MCF2L2: variants seen among roughly 807,000 people sequenced by gnomAD.
MCF2L2 encodes probable guanine nucleotide exchange factor MCF2L2.
MCF2L2 carries 102 observed loss-of-function variants against 150.2 expected under a neutral mutation model. That is an observed-to-expected ratio of 0.68 (90% CI 0.58 to 0.80). The LOEUF is 0.80. Ranked by LOEUF, MCF2L2 falls within the 30% of genes least tolerant of loss-of-function variation. MCF2L2 has a pLI of 0.00. For synonymous variants in MCF2L2, 465 were observed against 491.3 expected, an observed-to-expected ratio of 0.95 and a Z score of 0.71; for missense variants, 1,256 against 1,372.8, an observed-to-expected ratio of 0.91 and a Z score of 1.34.
At chr3:183,269,983 T>G (rs1726589194) in intron 15 of MCF2L2, 1 of 1,614,056 alleles carries the variant, frequency 6.2e-7, no homozygotes, top group South Asian at 1.1e-5. Flanking sequence ...AATGATACCC[T>G]GTCTCTTAAG....
chr3:183,277,012 T>C, intron 14 of MCF2L2, 55 bp from the exon 15 acceptor site: 4 of 1,154,844 alleles, frequency 3.5e-6, no homozygotes, highest in Admixed American at 4.5e-5. Context: ...TCCTAATCTA[T>C]ATTTTTCTCT....
rs1355989355 is a variant in MCF2L2, at chr3:183,179,693, C to T, written c.3106-1G>A. On this transcript the variant is annotated splice_acceptor_variant, in intron 28 of 29. Coordinates refer to ENST00000328913, the MANE Select transcript of MCF2L2 (RefSeq NM_015078.4). LOFTEE classifies it high-confidence loss of function. The surrounding 1 kb of genome is among the most constrained non-coding windows in gnomAD (Gnocchi z 4.2). Reference sequence around the variant, plus strand: ...CGTCCGACTGGAAAAGGCCCGCGAGCTGGAAGGGAGGGGACGGGTGCACCC... The same window carrying T: ...CGTCCGACTGGAAAAGGCCCGCGAGTTGGAAGGGAGGGGACGGGTGCACCC... 3.1e-6 allele frequency: 5 copies of T among 1,613,372 alleles called. No homozygotes were observed. The highest frequency in any genetic ancestry group is 4.2e-6 in the Non-Finnish European group (5 of 1,179,408).
chr3:183,270,402 A>G lies in MCF2L2; in HGVS notation c.1862+6470T>C, dbSNP rs753064388. 8 of 1,614,114 alleles carry G rather than the reference A, an allele frequency of 5.0e-6. No individual in the cohort carries two copies. Among genetic ancestry groups the G allele is most frequent in the Admixed American group, 1.7e-5 (1 of 60,006 alleles). ...TGATGACATATTTATTCACATGCCA[A>G]ATCTGATTGAGTACCTTCAAAGTTT... On this transcript the variant is annotated intron_variant, in intron 15 of 29. Coordinates refer to ENST00000328913, the MANE Select transcript of MCF2L2 (RefSeq NM_015078.4). This position sits in a 1 kb window ranked among gnomAD's most constrained non-coding sequence, Gnocchi z 4.5.
In MCF2L2 at chr3:183,283,018, G is replaced by A. The variant is rs752850064; in HGVS notation, c.1777-6061C>T. ...TTATGTTCTTCCTAAGTACTTTATC[G>A]GGCCAACAAATTCATCCCATGAGGA... On this transcript the variant is annotated intron_variant, in intron 14 of 29. Coordinates refer to ENST00000328913, the MANE Select transcript of MCF2L2 (RefSeq NM_015078.4). This position sits in a 1 kb window ranked among gnomAD's most constrained non-coding sequence, Gnocchi z 4.2. Among the ~76,000 whole-genome samples the A allele has an allele frequency of 9.9e-5, 15 of 152,072 alleles. No individual in the cohort carries two copies. Among genetic ancestry groups the A allele is most frequent in the Middle Eastern group, 3.2e-3 (1 of 316 alleles).
At chr3:183,232,279 C>T (rs562511185) in intron 15 of MCF2L2, among the ~76,000 whole-genome samples, 13 of 152,254 alleles carry the variant, frequency 8.5e-5, no homozygotes, top group Admixed American at 2.0e-4. Context: ...CACAACCACG[C>T]GAACTTAGAA....
intron 7 of MCF2L2, among the ~76,000 whole-genome samples, chr3:183,315,251 C>A (rs1030694249): frequency 6.6e-6 from 1 of 151,850 alleles, no homozygotes; most frequent in Admixed American, 6.6e-5. Flanking sequence ...CCTGTATTGT[C>A]TTTTAAAGGA....
chr3:183,228,319 A>T lies in MCF2L2; in HGVS notation c.2093T>A (p.Leu698Gln). 1 of 1,613,656 alleles carries T rather than the reference A, an allele frequency of 6.2e-7. No homozygotes were observed. The highest frequency in any genetic ancestry group is 8.5e-7 in the Non-Finnish European group (1 of 1,179,610). Reference sequence around the variant, plus strand: ...TACTCTCTTGAGAAAGCAATGTGCCAGAAGTTCAGGGTTCTCAGCACACTT... The same window carrying T: ...TACTCTCTTGAGAAAGCAATGTGCCTGAAGTTCAGGGTTCTCAGCACACTT... The part of the protein sequence containing the change: ...LEKCAENPEL[L>Q]AHCFLKRKED... The change falls in exon 18 of 30, where the codon CTG becomes CAG. Residue 698 changes from leucine to glutamine, a missense_variant. Leu to Gln is a moderately radical substitution (Grantham distance 113). Coordinates refer to ENST00000328913, the MANE Select transcript of MCF2L2 (RefSeq NM_015078.4).
intron 15 of MCF2L2, among the ~76,000 whole-genome samples, chr3:183,235,111 G>T (rs1167977082): frequency 8.9e-4 from 68 of 76,366 alleles, no homozygotes; most frequent in South Asian, 4.8e-3. Flanking sequence ...TGGACATTTG[G>T]GTTGGTTCCA....
In MCF2L2 at chr3:183,289,336, C is replaced by T. The variant is rs76222713; in HGVS notation, c.1676-116G>A. Reference sequence around the variant, plus strand: ...CAATGTGGCTAACTATAAAAGCTCACTTGAGCTGCTGCGTTGATTTCCTAG... The same window carrying T: ...CAATGTGGCTAACTATAAAAGCTCATTTGAGCTGCTGCGTTGATTTCCTAG... On this transcript the variant is annotated intron_variant, in intron 13 of 29. Transcript: ENST00000328913. The T allele has an allele frequency of 6.9e-5, 46 of 666,046 alleles. No homozygotes were observed. The African/African-American group carries it at 7.7e-4, about 11-fold the overall frequency. 41.3% of individuals were successfully genotyped at this position (666,046 alleles called of 1,614,324 possible).
At position 183,368,898 on chromosome 3, in the gene MCF2L2, G is replaced by A. The variant is rs529881408; in HGVS notation, c.275+10399C>T. Among the ~76,000 whole-genome samples the A allele has an allele frequency of 1.9e-3, 282 of 152,204 alleles. 1 individual carries two copies. Among genetic ancestry groups the A allele is most frequent in the Middle Eastern group, 0.01 (3 of 294 alleles). ...ATTTGATGCCATGTTTATCATCTCC[G>A]TGAGGATGATAATCTTTATGAACCC... On this transcript the variant is annotated intron_variant, in intron 3 of 29. Coordinates refer to ENST00000328913, the MANE Select transcript of MCF2L2 (RefSeq NM_015078.4).
intron 14 of MCF2L2, among the ~76,000 whole-genome samples, chr3:183,286,355 T>C (rs1727792050): frequency 1.3e-5 from 2 of 152,150 alleles, no homozygotes; most frequent in South Asian, 2.1e-4. Flanking sequence ...CATCTTTGAG[T>C]TCTAGACCTA....
At chr3:183,380,902 G>A (rs866986260) in intron 2 of MCF2L2, among the ~76,000 whole-genome samples, 13 of 152,142 alleles carry the variant, frequency 8.5e-5, no homozygotes, top group African/African-American at 2.9e-4. Flanking sequence ...GAATAAAAAT[G>A]AGAGAAAAAA....
intron 27 of MCF2L2, among the ~76,000 whole-genome samples, chr3:183,184,172 T>C (rs1377329715): frequency 6.6e-6 from 1 of 152,140 alleles, no homozygotes; most frequent in Non-Finnish European, 1.5e-5. Context: ...CACATGCCAC[T>C]ATGCCTGGCT....
chr3:183,235,221 G>C (rs1276281592), intron 15 of MCF2L2, among the ~76,000 whole-genome samples: 1 of 78,488 alleles, frequency 1.3e-5, no homozygotes, highest in Non-Finnish European at 2.4e-5. Flanking sequence ...CCAGTAATGG[G>C]ATGGCTGGGT....
At chr3:183,318,774 C>T (rs1443537399) in intron 6 of MCF2L2, among the ~76,000 whole-genome samples, 1 of 151,032 alleles carries the variant, frequency 6.6e-6, no homozygotes, top group African/African-American at 2.5e-5. Flanking sequence ...TTACAGTATA[C>T]TGTAGTCTAT....
chr3:183,295,309 A>G lies in MCF2L2; in HGVS notation c.1666T>C (p.Ser556Pro). 6.2e-7 allele frequency: 1 copy of G among 1,606,148 alleles called. No individual in the cohort carries two copies. Among genetic ancestry groups the G allele is most frequent in the South Asian group, 1.1e-5 (1 of 90,376 alleles). Residue 556 changes from serine (S) to proline (P), a missense_variant, in exon 13 of 30, where the codon TCC becomes CCC. Physicochemically the swap from Ser to Pro is moderately conservative, Grantham distance 74 (BLOSUM62 -1). Transcript: ENST00000328913. ...TCCTCAAATAACCTACCCGAGGTGG[A>G]GGGCTGGCTGGTTTTTGATGACACC... ...KWVSSKTSQP[S>P]TSVPLARPLR...
In MCF2L2 at chr3:183,181,166, G is replaced by A. The variant is rs1248447818; in HGVS notation, c.3017-1007C>T. The stretch of plus-strand genomic sequence containing the variant: ...CTGGGCAGAGGCATGGCCAGAGGGC[G>A]GTAGGCGGCAGTGGAGGGAGCTGCA... On this transcript the variant is annotated intron_variant, in intron 27 of 29. Coordinates refer to ENST00000328913, the MANE Select transcript of MCF2L2 (RefSeq NM_015078.4). This position sits in a 1 kb window ranked among gnomAD's most constrained non-coding sequence, Gnocchi z 4.3. Among the ~76,000 whole-genome samples, 1 of 152,220 alleles carries A rather than the reference G, an allele frequency of 6.6e-6. No homozygotes were observed. Among genetic ancestry groups the A allele is most frequent in the African/African-American group, 2.4e-5 (1 of 41,452 alleles).
rs1394996312 is a variant in MCF2L2, at chr3:183,207,748, T to G, written c.2572A>C (p.Lys858Gln). The change falls in exon 23 of 30, where the codon AAA (lysine) becomes CAA (glutamine). Residue 858 changes from lysine (K) to glutamine (Q), a missense_variant. By Grantham distance (53) the Lys-to-Gln change is moderately conservative. Transcript: ENST00000328913. The stretch of plus-strand genomic sequence containing the variant: ...TTAAATCGAATCAAATCCTTCATTT[T>G]ATAACGATCCTTGTGAATTGTCCAG... ...SVWTIHKDRYKMKDLIRFKPS... is the reference protein window; with the variant it reads ...SVWTIHKDRYQMKDLIRFKPS... 1.9e-6 allele frequency: 3 copies of G among 1,614,128 alleles called. No individual in the cohort carries two copies. Among genetic ancestry groups the G allele is most frequent in the Non-Finnish European group, 2.5e-6 (3 of 1,180,052 alleles).
chr3:183,226,745 C>G (rs1315245114), intron 18 of MCF2L2: 3 of 152,142 alleles, frequency 2.0e-5, no homozygotes, highest in Non-Finnish European at 4.4e-5. Flanking sequence ...ACATACATAA[C>G]CATAAAATAC....
Sources: allele counts gnomAD v4.1 joint callset (sites outside exome capture counted in the v4.1 genomes callset), GRCh38; gene constraint gnomAD v4.1.1; non-coding constraint Gnocchi (gnomAD v3.1); transcripts MANE v1.5; gene names NCBI Gene and HGNC (gene_info 2026-07-23, HGNC 2026-07-21).